The following LIMCH1 variants were observed in gnomAD, a reference collection of about 807,000 sequenced individuals.
LIMCH1 encodes LIM and calponin homology domains 1, also known as LIM and calponin homology domains-containing protein 1.
In LIMCH1, 113 loss-of-function variants were observed where a neutral mutation model predicts 176.5. That is an observed-to-expected ratio of 0.64 (90% CI 0.55 to 0.75). LIMCH1 has a LOEUF of 0.75. Ranked by LOEUF, LIMCH1 falls within the 30% of genes least tolerant of loss-of-function variation. The pLI is 0.00. For synonymous variants in LIMCH1, 619 were observed against 645.9 expected, an observed-to-expected ratio of 0.96 and a Z score of 0.63; for missense variants, 1,674 against 1,814.9, an observed-to-expected ratio of 0.92 and a Z score of 1.41.
chr4:41,666,110 A>G (rs2094813205), intron 20 of LIMCH1, among the ~76,000 whole-genome samples: 1 of 152,200 alleles, frequency 6.6e-6, no homozygotes, highest in Admixed American at 6.5e-5. Flanking sequence ...TGTCTTTAGA[A>G]TAATATCCAT....
rs535589938 is a variant in LIMCH1, at chr4:41,490,087, G to C, written c.97-4449G>C. On this transcript the variant is annotated intron_variant, in intron 1 of 26. Coordinates refer to the LIMCH1 transcript ENST00000313860. ...TGGGGTAGACTGAGGAGGAGGAGGG[G>C]TTGGTCTCGCTGTCTCAGGGGTGGC... Among the ~76,000 whole-genome samples the C allele has an allele frequency of 3.3e-5, 5 of 152,174 alleles. No individual in the cohort carries two copies. The East Asian group carries it at 9.7e-4, about 29-fold the overall frequency.
At chr4:41,529,398 C>T (rs2077016775) in intron 3 of LIMCH1, among the ~76,000 whole-genome samples, 1 of 152,144 alleles carries the variant, frequency 6.6e-6, no homozygotes, top group South Asian at 2.1e-4. Flanking sequence ...GGATTCTGCC[C>T]CTGAGTGCTG....
At chr4:41,604,871 C>T (rs2090477647) in intron 3 of LIMCH1, among the ~76,000 whole-genome samples, 1 of 152,086 alleles carries the variant, frequency 6.6e-6, no homozygotes, top group South Asian at 2.1e-4. Context: ...CATCAGTGCA[C>T]ATAACCATAT....
At chr4:41,380,834 T>A (rs1325972410) in intron 1 of LIMCH1, among the ~76,000 whole-genome samples, 1 of 152,176 alleles carries the variant, frequency 6.6e-6, no homozygotes, top group Non-Finnish European at 1.5e-5. Context: ...AACAACATCA[T>A]TCCTAGTTCA....
At chr4:41,363,402 A>G (rs2052461371) in intron 1 of LIMCH1, among the ~76,000 whole-genome samples, 1 of 152,164 alleles carries the variant, frequency 6.6e-6, no homozygotes, top group African/African-American at 2.4e-5. Flanking sequence ...GTTGGTGATT[A>G]AATTTCCCAT....
chr4:41,521,737 T>A (rs1242931532), intron 2 of LIMCH1, among the ~76,000 whole-genome samples: 1 of 152,170 alleles, frequency 6.6e-6, no homozygotes, highest in Non-Finnish European at 1.5e-5. Context: ...TGGCTTTTTA[T>A]TTTTTAATTT....
At chr4:41,394,129 C>T (rs1188870588) in intron 1 of LIMCH1, among the ~76,000 whole-genome samples, 1 of 152,060 alleles carries the variant, frequency 6.6e-6, no homozygotes, top group African/African-American at 2.4e-5. Flanking sequence ...AATTTTCCTT[C>T]CATTTCCGTA....
intron 3 of LIMCH1, 82 bp from the exon 4 acceptor site, chr4:41,605,812 C>T: frequency 1.3e-6 from 1 of 775,614 alleles, no homozygotes; most frequent in South Asian, 1.5e-5. Context: ...TCCTGCCTTC[C>T]TGTTAGTGGT....
chr4:41,546,048 A>T (rs2079336745), intron 1 of LIMCH1, among the ~76,000 whole-genome samples: 1 of 152,198 alleles, frequency 6.6e-6, no homozygotes, highest in Non-Finnish European at 1.5e-5. Context: ...CTAAGCAGAT[A>T]TTTGATGATA....
At position 41,629,818 on chromosome 4, in the gene LIMCH1, T is replaced by TG. The variant is rs373889444; in HGVS notation, c.1271+84_1271+85insG. 3.0e-4 allele frequency: 422 copies of TG among 1,409,740 alleles called. 1 individual carries two copies. The African/African-American group carries it at 5.3e-3, about 18-fold the overall frequency. 87.3% of individuals were successfully genotyped at this position (1,409,740 alleles called of 1,614,324 possible). A position where few individuals can be genotyped will look rare whatever the true frequency, so the allele number is the denominator to read the frequency against. On this transcript the variant is annotated intron_variant, in intron 9 of 31. Transcript: ENST00000503057. ...CATCAAATGCTTATCTTTGTGTCTT[T>TG]TTTTTTTTTGTCAGGGTCTTGCTCT...
At chr4:41,675,436 A>G (rs1398442229) in intron 22 of LIMCH1, among the ~76,000 whole-genome samples, 1 of 86,336 alleles carries the variant, frequency 1.2e-5, no homozygotes, top group Non-Finnish European at 2.3e-5. Flanking sequence ...CCTGTTTCCC[A>G]TCCCCCGTCA....
rs546413751 is a variant in LIMCH1 at position 41,433,300 on chromosome 4, G to C, written c.97-61236G>C. On this transcript the variant is annotated intron_variant, in intron 1 of 26. Transcript: ENST00000313860. The stretch of plus-strand genomic sequence containing the variant: ...CTGTGTCACTGTGATTCCAGTTTTG[G>C]GGGGGAAACACTTGAATGTATATAT... 9.2e-4 allele frequency among the ~76,000 whole-genome samples: 140 copies of C among 152,268 alleles called. No individual in the cohort carries two copies. The South Asian group carries it at 0.027, about 29-fold the overall frequency.
In LIMCH1 at chr4:41,499,568, C is replaced by A. The variant is rs149786902; in HGVS notation, c.167+4962C>A. Among the ~76,000 whole-genome samples the A allele has an allele frequency of 2.2e-3, 331 of 152,292 alleles. 2 individuals carry two copies. Among genetic ancestry groups the A allele is most frequent in the African/African-American group, 7.4e-3 (306 of 41,564 alleles). On this transcript the variant is annotated intron_variant, in intron 2 of 26. Transcript: ENST00000313860. ...GGAGCGATGGCTCACGCCTATAATT[C>A]TAGCACTTTGGAAGGGCAAGGTGGG...
chr4:41,671,690 CG>C, intron 22 of LIMCH1, 96 bp downstream of exon 22: 4 of 921,506 alleles, frequency 4.3e-6, no homozygotes, highest in Non-Finnish European at 7.1e-6. Flanking sequence ...CGGGTGCAGG[CG>C]GTGGCTCACG....
chr4:41,392,182 A>C (rs917969631), intron 1 of LIMCH1, among the ~76,000 whole-genome samples: 1 of 152,208 alleles, frequency 6.6e-6, no homozygotes, highest in African/African-American at 2.4e-5. Context: ...GTGAGAAAAC[A>C]GTTAAAAAAA....
chr4:41,393,287 G>A (rs1201364422), intron 1 of LIMCH1, among the ~76,000 whole-genome samples: 4 of 152,134 alleles, frequency 2.6e-5, no homozygotes, highest in Non-Finnish European at 2.9e-5. Context: ...GTGGCCAGGA[G>A]GAGTGTGCTG....
At chr4:41,452,284 C>T (rs2063978826) in intron 1 of LIMCH1, among the ~76,000 whole-genome samples, 3 of 152,128 alleles carry the variant, frequency 2.0e-5, no homozygotes. Flanking sequence ...CATTTGAAGA[C>T]TTGGCCTTAT....
chr4:41,588,953 G>C (rs1183054315), intron 1 of LIMCH1, among the ~76,000 whole-genome samples: 1 of 152,176 alleles, frequency 6.6e-6, no homozygotes, highest in African/African-American at 2.4e-5. Flanking sequence ...GCAAGAGATG[G>C]CTGGGTTCGA....
intron 1 of LIMCH1, among the ~76,000 whole-genome samples, chr4:41,451,173 T>C (rs1247753459): frequency 6.6e-6 from 1 of 152,206 alleles, no homozygotes; most frequent in Non-Finnish European, 1.5e-5. Context: ...TGGAGTGCAA[T>C]GGCACGATCT....
Sources: allele counts gnomAD v4.1 joint callset (sites outside exome capture counted in the v4.1 genomes callset), GRCh38; gene constraint gnomAD v4.1.1; transcripts MANE v1.5; gene names NCBI Gene and HGNC (gene_info 2026-07-23, HGNC 2026-07-21).